C12orf56: variants seen among roughly 807,000 people sequenced by gnomAD.
C12orf56 encodes chromosome 12 open reading frame 56, also known as uncharacterized protein C12orf56.
Under a neutral mutation model 69.9 loss-of-function variants are expected in C12orf56, and 71 were observed. The observed-to-expected ratio is 1.02, with a 90% CI of 0.84 to 1.24. C12orf56 has a LOEUF of 1.24. Among genes scored for constraint, C12orf56 ranks in the 50% most tolerant of loss-of-function variants. C12orf56 has a pLI of 0.00. For missense variants in C12orf56, 732 were observed against 738.5 expected (o/e 0.99, Z 0.10); for synonymous variants, 276 against 274.1 (o/e 1.01, Z -0.07).
intron 1 of C12orf56, among the ~76,000 whole-genome samples, chr12:64,381,695 T>C (rs568316298): frequency 1.2e-4 from 19 of 152,118 alleles, no homozygotes; most frequent in Non-Finnish European, 2.5e-4. Flanking sequence ...AGGAATGAGT[T>C]TGGAGGCAAT....
intron 1 of C12orf56, among the ~76,000 whole-genome samples, chr12:64,373,268 A>C (rs757694173): frequency 1.3e-5 from 2 of 152,160 alleles, no homozygotes; most frequent in Non-Finnish European, 2.9e-5. Context: ...CAGCCTGGGC[A>C]ATATGGTGAA....
chr12:64,336,762 G>T (rs1033839157), intron 2 of C12orf56, among the ~76,000 whole-genome samples: 4 of 152,214 alleles, frequency 2.6e-5, no homozygotes, highest in Admixed American at 2.6e-4. Context: ...TGAATGGGCT[G>T]AATGTGCTGG....
chr12:64,274,659 A>G (rs892093654), intron 11 of C12orf56, among the ~76,000 whole-genome samples: 2 of 152,206 alleles, frequency 1.3e-5, no homozygotes, highest in African/African-American at 4.8e-5. Flanking sequence ...TTCTACATGT[A>G]TCTTAGAGTT....
At chr12:64,372,847 A>T (rs1419541795) in intron 1 of C12orf56, among the ~76,000 whole-genome samples, 1 of 152,118 alleles carries the variant, frequency 6.6e-6, no homozygotes, top group Non-Finnish European at 1.5e-5. Flanking sequence ...GAGTTTAGAT[A>T]CATTGTAGAA....
intron 2 of C12orf56, among the ~76,000 whole-genome samples, chr12:64,339,435 T>C (rs1257303098): frequency 6.6e-6 from 1 of 152,146 alleles, no homozygotes. Context: ...TTGAGCAGGG[T>C]ATCAGGGGAG....
At chr12:64,384,953 C>T (rs942066441) in intron 1 of C12orf56, among the ~76,000 whole-genome samples, 16 of 151,546 alleles carry the variant, frequency 1.1e-4, no homozygotes, top group African/African-American at 3.6e-4. Flanking sequence ...ACCCGAGAGG[C>T]TGAGGCAAGA....
chr12:64,271,171 A>C (rs2037985483), intron 11 of C12orf56, among the ~76,000 whole-genome samples: 1 of 151,576 alleles, frequency 6.6e-6, no homozygotes, highest in Admixed American at 6.6e-5. Flanking sequence ...TCTCAAAAAA[A>C]AGTATAAGAG....
intron 2 of C12orf56, among the ~76,000 whole-genome samples, chr12:64,351,013 T>C (rs2039215466): frequency 6.6e-6 from 1 of 152,224 alleles, no homozygotes; most frequent in Non-Finnish European, 1.5e-5. Context: ...AGACTAACCC[T>C]GTTTATTCCT....
chr12:64,390,389 G>C lies in C12orf56; in HGVS notation c.177C>G (p.Leu59=), dbSNP rs892739057. The part of the protein sequence containing the change: ...ILKYVVLSDR[L]VYLTENPPKS... Reference sequence around the variant, plus strand: ...TGGGCGGGTTCTCGGTTAGGTAGACGAGCCGGTCGCTTAGCACCACATACT... The same window carrying C: ...TGGGCGGGTTCTCGGTTAGGTAGACCAGCCGGTCGCTTAGCACCACATACT... Residue 59 remains leucine, a synonymous_variant, in exon 1 of 13, where the codon CTC becomes CTG. Coordinates refer to ENST00000543942, the MANE Select transcript of C12orf56 (RefSeq NM_001170633.2). The C allele has an allele frequency of 6.2e-7, 1 of 1,613,276 alleles. No individual in the cohort carries two copies. The highest frequency in any genetic ancestry group is 8.5e-7 in the Non-Finnish European group (1 of 1,179,744).
chr12:64,302,918 T>C (rs2038464762), intron 6 of C12orf56, among the ~76,000 whole-genome samples: 1 of 152,132 alleles, frequency 6.6e-6, no homozygotes, highest in Admixed American at 6.6e-5. Flanking sequence ...GGAGGATCAC[T>C]TGAGCCCAGG....
intron 3 of C12orf56, among the ~76,000 whole-genome samples, chr12:64,328,732 T>G (rs11613347): frequency 0.015 from 1,636 of 106,878 alleles, 49 homozygotes; most frequent in Middle Eastern, 0.029. Flanking sequence ...TATATATATA[T>G]ATATAGTATC....
At chr12:64,324,599 G>T (rs1199604156) in intron 3 of C12orf56, among the ~76,000 whole-genome samples, 1 of 152,232 alleles carries the variant, frequency 6.6e-6, no homozygotes, top group Non-Finnish European at 1.5e-5. Flanking sequence ...AAGAGGTGAA[G>T]CTGGAGCGGT....
chr12:64,380,590 A>G (rs1322979112), intron 1 of C12orf56, among the ~76,000 whole-genome samples: 2 of 152,168 alleles, frequency 1.3e-5, no homozygotes, highest in African/African-American at 4.8e-5. Flanking sequence ...AATAGTGATA[A>G]CTACTTTGAA....
intron 2 of C12orf56, among the ~76,000 whole-genome samples, chr12:64,350,338 A>G (rs1030628606): frequency 1.1e-4 from 17 of 152,314 alleles, no homozygotes; most frequent in African/African-American, 4.1e-4. Context: ...AAAATAAAGA[A>G]AAATGAAATT....
intron 3 of C12orf56, among the ~76,000 whole-genome samples, chr12:64,322,230 C>T (rs1256694269): frequency 6.6e-6 from 1 of 151,504 alleles, no homozygotes; most frequent in African/African-American, 2.4e-5. Flanking sequence ...CACACAGTAC[C>T]CTGAGATTCT....
chr12:64,389,720 C>A (rs77372991), intron 1 of C12orf56, among the ~76,000 whole-genome samples: 14,311 of 152,170 alleles, frequency 0.094, 893 homozygotes, highest in Middle Eastern at 0.16. Flanking sequence ...TGGTCTCGAA[C>A]CCCTGACCCC....
intron 5 of C12orf56, among the ~76,000 whole-genome samples, chr12:64,310,534 A>G (rs2038593303): frequency 6.6e-6 from 1 of 152,070 alleles, no homozygotes; most frequent in Non-Finnish European, 1.5e-5. Flanking sequence ...AATTTTTTCC[A>G]TTTGTTTGAT....
At chr12:64,320,095 T>C (rs1396473805) in intron 3 of C12orf56, among the ~76,000 whole-genome samples, 1 of 152,248 alleles carries the variant, frequency 6.6e-6, no homozygotes, top group African/African-American at 2.4e-5. Flanking sequence ...GGCTTGCCAT[T>C]GTTCCTGCAC....
chr12:64,284,806 C>G, intron 7 of C12orf56, 53 bp from the exon 8 acceptor site: 6 of 1,353,436 alleles, frequency 4.4e-6, no homozygotes, highest in Middle Eastern at 1.8e-4. Context: ...ATTAGAAGCT[C>G]AGAATTCCAC....
Sources: gnomAD v4.1 joint callset for allele counts (sites outside exome capture counted in the v4.1 genomes callset) on GRCh38, gnomAD v4.1.1 for gene constraint, MANE v1.5 for transcripts, NCBI Gene and HGNC (gene_info 2026-07-23, HGNC 2026-07-21) for gene names.